SYNE3: variants seen among roughly 807,000 people sequenced by gnomAD.
SYNE3 encodes the protein nesprin-3.
In SYNE3, 100 loss-of-function variants were observed where a neutral mutation model predicts 111.2. That is an observed-to-expected ratio of 0.90 (90% CI 0.77 to 1.06). The LOEUF (loss-of-function observed/expected upper bound fraction) is 1.06. Among genes scored for constraint, SYNE3 ranks in the 50% least tolerant of loss-of-function variants. SYNE3 has a pLI of 0.00. For missense variants in SYNE3, 1,160 were observed against 1,240.3 expected, an observed-to-expected ratio of 0.94 and a Z score of 0.97; for synonymous variants, 547 against 533.9, an observed-to-expected ratio of 1.02 and a Z score of -0.34.
chr14:95,409,456 G>A lies in SYNE3; in HGVS notation c.*8370C>T, dbSNP rs141289435. ...CTGGTTGCTGAGCTCAGAAGCAAGC[G>A]TTTCAGAAAGGAAGCCCAGGATCCT... On this transcript the variant is annotated 3_prime_UTR_variant, in exon 18 of 18. Transcript: ENST00000682763. The A allele has an allele frequency of 1.1e-4, 49 of 438,156 alleles. No homozygotes were observed. The highest frequency in any genetic ancestry group is 1.0e-3 in the Middle Eastern group (3 of 2,960). The allele number at this position is 438,156 out of a possible 1,614,324, so 27.1% of individuals were successfully genotyped here.
intron 15 of SYNE3, among the ~76,000 whole-genome samples, chr14:95,435,880 C>T (rs1369750303): frequency 1.3e-5 from 2 of 152,132 alleles, no homozygotes; most frequent in Non-Finnish European, 2.9e-5. Flanking sequence ...CAGGATGAGC[C>T]ATGACCTAGA....
chr14:95,455,633 C>T lies in SYNE3; in HGVS notation c.881G>A (p.Gly294Asp). The T allele has an allele frequency of 6.2e-7, 1 of 1,614,210 alleles. No individual in the cohort carries two copies. Among genetic ancestry groups the T allele is most frequent in the Non-Finnish European group, 8.5e-7 (1 of 1,180,042 alleles). ...AGVIRNTSPL[G>D]AEKITGELEE... is the part of the protein sequence containing the mutation. The stretch of plus-strand genomic sequence containing the variant: ...CAGTTCTCCGGTGATCTTCTCTGCA[C>T]CCAAAGGAGAGGTGTTCCGAATGAC... Residue 294 changes from glycine to aspartate, a missense_variant, in exon 6 of 18, where the codon GGT becomes GAT. Physicochemically the swap from Gly to Asp is moderately conservative, Grantham distance 94. Coordinates refer to ENST00000682763, the MANE Select transcript of SYNE3 (RefSeq NM_152592.6).
chr14:95,418,391 T>C (rs1194666240), intron 17 of SYNE3, among the ~76,000 whole-genome samples: 1 of 152,154 alleles, frequency 6.6e-6, no homozygotes, highest in Non-Finnish European at 1.5e-5. Context: ...GGCACCTACA[T>C]GACAGAATTG....
At chr14:95,440,742 G>A (rs748836923) in intron 11 of SYNE3, among the ~76,000 whole-genome samples, 17 of 152,292 alleles carry the variant, frequency 1.1e-4, no homozygotes, top group Non-Finnish European at 2.1e-4. Flanking sequence ...GCTATGTTGC[G>A]GGAAGCATGA....
At chr14:95,467,587 A>G (rs928525106) in intron 3 of SYNE3, among the ~76,000 whole-genome samples, 25 of 152,350 alleles carry the variant, frequency 1.6e-4, no homozygotes, top group South Asian at 8.3e-4. Context: ...TTGACAAAAC[A>G]CGCTGGGTTC....
intron 1 of SYNE3, among the ~76,000 whole-genome samples, chr14:95,491,254 T>C (rs1889836924): frequency 6.6e-6 from 1 of 152,098 alleles, no homozygotes; most frequent in African/African-American, 2.4e-5. Flanking sequence ...GGAATTCTCT[T>C]ATCTAGCTGT....
chr14:95,484,440 G>A (rs957517755), intron 1 of SYNE3, among the ~76,000 whole-genome samples: 1 of 152,184 alleles, frequency 6.6e-6, no homozygotes, highest in African/African-American at 2.4e-5. Flanking sequence ...CCCTGGCCAC[G>A]GAGTAACAGG....
At chr14:95,418,150 T>C in intron 17 of SYNE3, 124 bp from the exon 18 acceptor site, 1 of 942,904 alleles carries the variant, frequency 1.1e-6, no homozygotes, top group South Asian at 1.4e-5. Context: ...ACAGTACACA[T>C]CTCCAGGTTC....
In SYNE3 at chr14:95,466,209, C is replaced by A. The variant is rs746752810; in HGVS notation, c.349G>T (p.Glu117Ter). ...AACTCATCTCGGGCCAGCAGGTACTCGCTCCAGTGCAGCCACACCCACTCG... is the reference window on the plus strand; with the variant it reads ...AACTCATCTCGGGCCAGCAGGTACTAGCTCCAGTGCAGCCACACCCACTCG... ...RIEWVWLHWS[E>*]YLLARDEFYR... The change falls in exon 4 of 18, where the codon GAG becomes TAG. Residue 117 changes from glutamate to a stop codon, truncating the protein, a stop_gained. Coordinates refer to ENST00000682763, the MANE Select transcript of SYNE3 (RefSeq NM_152592.6). LOFTEE classifies it high-confidence loss of function. 1 of 1,585,658 alleles carries A rather than the reference C, an allele frequency of 6.3e-7. No individual in the cohort carries two copies. Among genetic ancestry groups the A allele is most frequent in the Non-Finnish European group, 8.6e-7 (1 of 1,158,156 alleles).
Position 95,417,762 on chromosome 14 carries a change from C to G in SYNE3, c.*64G>C. On this transcript the variant is annotated 3_prime_UTR_variant, in exon 18 of 18. Transcript: ENST00000682763. Reference sequence around the variant, plus strand: ...TGTTTCCAGTTTCCCTGGCGAGCATCCTCAGGAGGGGCCCTGGGACTGATG... The same window carrying G: ...TGTTTCCAGTTTCCCTGGCGAGCATGCTCAGGAGGGGCCCTGGGACTGATG... The G allele has an allele frequency of 6.4e-7, 1 of 1,566,252 alleles. No individual in the cohort carries two copies. The highest frequency in any genetic ancestry group is 1.7e-5 in the Admixed American group (1 of 59,902).
At chr14:95,504,190 C>T (rs1890441273) in intron 1 of SYNE3, among the ~76,000 whole-genome samples, 1 of 152,256 alleles carries the variant, frequency 6.6e-6, no homozygotes, top group East Asian at 1.9e-4. Context: ...CAACCAACAC[C>T]CATTCATTTA....
At chr14:95,446,704 G>T (rs1184079642) in intron 8 of SYNE3, among the ~76,000 whole-genome samples, 1 of 152,230 alleles carries the variant, frequency 6.6e-6, no homozygotes, top group Non-Finnish European at 1.5e-5. Flanking sequence ...GCAGGAGTTT[G>T]CCAGGCAAAG....
intron 4 of SYNE3, 37 bp from the exon 5 acceptor site, chr14:95,457,375 C>G (rs1887531586): frequency 6.2e-7 from 1 of 1,604,378 alleles, no homozygotes; most frequent in African/African-American, 1.3e-5. Context: ...ATGAGGGTCC[C>G]CAGCCCAGAC....
chr14:95,494,791 T>C (rs1043490518), intron 1 of SYNE3, among the ~76,000 whole-genome samples: 7 of 152,310 alleles, frequency 4.6e-5, no homozygotes, highest in Admixed American at 4.6e-4. Context: ...TAAGGCATCC[T>C]ATTTATTGTA....
At chr14:95,437,080 C>A in intron 14 of SYNE3, 99 bp from the exon 15 acceptor site, 1 of 1,479,412 alleles carries the variant, frequency 6.8e-7, no homozygotes, top group Non-Finnish European at 9.2e-7. Flanking sequence ...GGGACCAGGA[C>A]AAGATGCCCA....
At chr14:95,475,637 G>C in intron 2 of SYNE3, 41 bp downstream of exon 2, 1 of 1,434,936 alleles carries the variant, frequency 7.0e-7, no homozygotes, top group Non-Finnish European at 9.1e-7. Flanking sequence ...GTGGGATGGG[G>C]CCAAGACCAC....
In SYNE3 at chr14:95,455,481, T is replaced by G; in HGVS notation, c.1033A>C (p.Ser345Arg). 1 of 1,613,590 alleles carries G rather than the reference T, an allele frequency of 6.2e-7. No individual in the cohort carries two copies. Among genetic ancestry groups the G allele is most frequent in the African/African-American group, 1.3e-5 (1 of 75,080 alleles). Reference sequence around the variant, plus strand: ...CTCTGCAGGACCATCCTGAACTCACTGAGCTCAGCCTCCAGCTGCTTAATC... The same window carrying G: ...CTCTGCAGGACCATCCTGAACTCACGGAGCTCAGCCTCCAGCTGCTTAATC... ...QQIKQLEAEL[S>R]EFRMVLQRLA... The change falls in exon 6 of 18, where the codon AGT becomes CGT. Residue 345 changes from serine to arginine, a missense_variant. By Grantham distance (110) the Ser-to-Arg change is moderately radical. Coordinates refer to ENST00000682763, the MANE Select transcript of SYNE3 (RefSeq NM_152592.6).
chr14:95,463,407 TA>T (rs1481143394), intron 4 of SYNE3, among the ~76,000 whole-genome samples: 3 of 152,184 alleles, frequency 2.0e-5, no homozygotes, highest in African/African-American at 7.2e-5. Context: ...CACCCTCACG[TA>T]CAAACATGCA....
rs757433429 is a variant in SYNE3, at chr14:95,436,984, G to C, written c.2377-3C>G. On this transcript the variant is annotated splice_region_variant and splice_polypyrimidine_tract_variant and intron_variant, in intron 14 of 17. Coordinates refer to ENST00000682763, the MANE Select transcript of SYNE3 (RefSeq NM_152592.6). ...TCTTCTTCCTGTAGAAGATTTGCCTGTAGGATCACACACGGCCAAAGCGTC... is the reference window on the plus strand; with the variant it reads ...TCTTCTTCCTGTAGAAGATTTGCCTCTAGGATCACACACGGCCAAAGCGTC... 1.9e-6 allele frequency: 3 copies of C among 1,614,190 alleles called. No homozygotes were observed. In the Admixed American group the frequency reaches 5.0e-5, roughly 27 times the overall value.
Sources: allele counts gnomAD v4.1 joint callset (sites outside exome capture counted in the v4.1 genomes callset), GRCh38; gene constraint gnomAD v4.1.1; transcripts MANE v1.5; gene names NCBI Gene and HGNC (gene_info 2026-07-23, HGNC 2026-07-21).